CACNA1I: variants seen among roughly 807,000 people sequenced by gnomAD.
The protein encoded by CACNA1I is calcium voltage-gated channel subunit alpha1 I.
Under a neutral mutation model 201.6 loss-of-function variants are expected in CACNA1I, and 74 were observed. The observed-to-expected ratio is 0.37, with a 90% CI of 0.30 to 0.45. The LOEUF (loss-of-function observed/expected upper bound fraction) is 0.45, where lower values mean the gene tolerates loss of function less well. Ranked by LOEUF, CACNA1I falls within the 20% of genes least tolerant of loss-of-function variation. The pLI is 1.00. For missense variants in CACNA1I, 2,346 were observed against 3,138.1 expected (o/e 0.75, Z 6.03); for synonymous variants, 1,431 against 1,345.2 (o/e 1.06, Z -1.40).
chr22:39,619,431 C>T, intron 4 of CACNA1I, 24 bp downstream of exon 4: 1 of 1,568,942 alleles, frequency 6.4e-7, no homozygotes, highest in South Asian at 1.1e-5. Context: ...GCCCTGTCCA[C>T]ACATTCCTGG....
chr22:39,686,231 C>A lies in CACNA1I; in HGVS notation c.6498C>A (p.His2166Gln), dbSNP rs1294996404. The change falls in exon 37 of 37, where the codon CAC becomes CAA. Residue 2166 changes from histidine (H) to glutamine (Q), a missense_variant. Coordinates refer to ENST00000402142, the MANE Select transcript of CACNA1I (RefSeq NM_021096.4). ...TSSLAAPGRP[H>Q]AAALAHGLAR... ...GCCTGGCCGCCCCCGGCCGCCCCCA[C>A]GCCGCCGCCCTGGCCCACGGCCTGG... The A allele has an allele frequency of 8.1e-7, 1 of 1,240,584 alleles. No individual in the cohort carries two copies. The highest frequency in any genetic ancestry group is 1.0e-6 in the Non-Finnish European group (1 of 996,450). The allele number at this position is 1,240,584 out of a possible 1,614,324, so 76.8% of individuals were successfully genotyped here.
At chr22:39,585,566 TTAG>T (rs928899970) in intron 1 of CACNA1I, among the ~76,000 whole-genome samples, 1 of 150,032 alleles carries the variant, frequency 6.7e-6, no homozygotes, top group African/African-American at 2.5e-5. Flanking sequence ...AATTTTGTAT[TTAG>T]TAGAGATGGA....
chr22:39,667,341 G>A (rs1044176379), intron 23 of CACNA1I, among the ~76,000 whole-genome samples: 3 of 152,216 alleles, frequency 2.0e-5, no homozygotes, highest in African/African-American at 4.8e-5. Flanking sequence ...GGAAGGAGGG[G>A]CCAGTGCAGG....
At chr22:39,650,444 G>A (rs1413464005) in intron 10 of CACNA1I, among the ~76,000 whole-genome samples, 1 of 152,218 alleles carries the variant, frequency 6.6e-6, no homozygotes, top group Admixed American at 6.5e-5. Flanking sequence ...GTGCCACCAA[G>A]CCTGGCCACC....
intron 3 of CACNA1I, among the ~76,000 whole-genome samples, chr22:39,607,818 A>G (rs894070270): frequency 6.7e-6 from 1 of 150,276 alleles, no homozygotes; most frequent in Non-Finnish European, 1.5e-5. Context: ...ATGAAACCCC[A>G]TGTCTACTAA....
In CACNA1I at chr22:39,679,304, G is replaced by T; in HGVS notation, c.5253G>T (p.Glu1751Asp). 6.4e-7 allele frequency: 1 copy of T among 1,558,020 alleles called. No individual in the cohort carries two copies. The highest frequency in any genetic ancestry group is 8.7e-7 in the Non-Finnish European group (1 of 1,151,612). ...QEDAEMDAELELEMAHGLGPG... is the reference protein window; with the variant it reads ...QEDAEMDAELDLEMAHGLGPG... ...ACGCCGAGATGGATGCCGAGCTCGA[G>T]CTGGAGATGGCCCATGGCCTGGGCC... The change falls in exon 32 of 37, where the codon GAG becomes GAT. Residue 1751 changes from glutamate (E) to aspartate (D), a missense_variant. By Grantham distance (45) the Glu-to-Asp change is conservative. This residue lies in a region of CACNA1I where 441 missense variants were observed against 555.6 expected (regional missense o/e 0.79). Transcript: ENST00000402142.
At position 39,605,225 on chromosome 22, in the gene CACNA1I, G is replaced by A. The variant is rs187745616; in HGVS notation, c.482+4572G>A. 2.3e-3 allele frequency among the ~76,000 whole-genome samples: 356 copies of A among 152,188 alleles called. 1 individual carries two copies. Among genetic ancestry groups the A allele is most frequent in the Non-Finnish European group, 4.0e-3 (269 of 68,028 alleles). On this transcript the variant is annotated intron_variant, in intron 3 of 36. Coordinates refer to ENST00000402142, the MANE Select transcript of CACNA1I (RefSeq NM_021096.4). ...CTAGCTCTTTCTTCAAGCTGTGGAG[G>A]CAGACATAGCACCTCCGAGTTAGAA... is the stretch of plus-strand genomic sequence containing the variant.
At chr22:39,574,826 C>T (rs542834770) in intron 1 of CACNA1I, among the ~76,000 whole-genome samples, 91 of 152,294 alleles carry the variant, frequency 6.0e-4, no homozygotes, top group African/African-American at 2.1e-3. Flanking sequence ...TGGCCAGGCC[C>T]GGGAAGGGGA....
Position 39,677,497 on chromosome 22 carries a change from G to A in CACNA1I, c.4933+78G>A. On this transcript the variant is annotated intron_variant, in intron 30 of 36. Transcript: ENST00000402142. This position sits in a 1 kb window ranked among gnomAD's most constrained non-coding sequence, Gnocchi z 4.8. ...GGAACTGGGGGGGCGGGGGAGGCCT[G>A]AGACCCCTGAGCCCGTCACATCAGG... 1.0e-6 allele frequency: 1 copy of A among 976,100 alleles called. No homozygotes were observed. The highest frequency in any genetic ancestry group is 1.5e-6 in the Non-Finnish European group (1 of 670,174). The allele number at this position is 976,100 out of a possible 1,614,324, so 60.5% of individuals were successfully genotyped here. A position where few individuals can be genotyped will look rare whatever the true frequency, so the allele number is the denominator to read the frequency against.
Position 39,677,550 on chromosome 22 carries a change from C to T in CACNA1I, c.4933+131C>T, listed in dbSNP as rs1935551299. The T allele has an allele frequency of 3.0e-6, 2 of 656,040 alleles. No individual in the cohort carries two copies. The highest frequency in any genetic ancestry group is 3.1e-5 in the Admixed American group (1 of 32,464). The allele number at this position is 656,040 out of a possible 1,614,324, so 40.6% of individuals were successfully genotyped here. A position where few individuals can be genotyped will look rare whatever the true frequency, so the allele number is the denominator to read the frequency against. The stretch of plus-strand genomic sequence containing the variant: ...CTTTGTATTGGGGAGATGCCTACAG[C>T]AGGGCCCTCAGCTGTCTGGTCTCCC... On this transcript the variant is annotated intron_variant, in intron 30 of 36. Coordinates refer to ENST00000402142, the MANE Select transcript of CACNA1I (RefSeq NM_021096.4). The surrounding 1 kb of genome is among the most constrained non-coding windows in gnomAD (Gnocchi z 4.8).
chr22:39,611,887 C>G (rs185597875), intron 3 of CACNA1I, among the ~76,000 whole-genome samples: 10 of 152,296 alleles, frequency 6.6e-5, no homozygotes, highest in African/African-American at 2.2e-4. Flanking sequence ...CCAAATCCCC[C>G]CTGTACTCTG....
intron 7 of CACNA1I, 31 bp from the exon 8 acceptor site, chr22:39,646,538 T>C (rs1934492220): frequency 6.6e-7 from 1 of 1,512,834 alleles, no homozygotes; most frequent in Non-Finnish European, 8.9e-7. Flanking sequence ...TCCCTGTCCC[T>C]GTCCCTGTCC....
At chr22:39,578,713 T>C (rs1438400625) in intron 1 of CACNA1I, among the ~76,000 whole-genome samples, 3 of 152,180 alleles carry the variant, frequency 2.0e-5, no homozygotes, top group African/African-American at 7.2e-5. Context: ...GTGTGCTGAT[T>C]CTTTCCTCAC....
intron 1 of CACNA1I, among the ~76,000 whole-genome samples, chr22:39,573,661 C>G (rs1932255671): frequency 6.6e-6 from 1 of 152,166 alleles, no homozygotes; most frequent in African/African-American, 2.4e-5. Flanking sequence ...AGTGAGCCAG[C>G]CCCTGGGAAC....
intron 29 of CACNA1I, among the ~76,000 whole-genome samples, chr22:39,675,574 A>T (rs1935492973): frequency 6.6e-6 from 1 of 152,226 alleles, no homozygotes; most frequent in Non-Finnish European, 1.5e-5. Context: ...AATGGTGCTT[A>T]CCCCTCAAAA....
At chr22:39,576,340 G>GC (rs1332356998) in intron 1 of CACNA1I, among the ~76,000 whole-genome samples, 1 of 152,230 alleles carries the variant, frequency 6.6e-6, no homozygotes, top group Non-Finnish European at 1.5e-5. Flanking sequence ...GGCTCTCATA[G>GC]CCCCATTTTA....
At position 39,686,867 on chromosome 22, in the gene CACNA1I, A is replaced by G. The variant is rs1348562804; in HGVS notation, c.*462A>G. ...TTTTTTGATGTCTCCTCCCTGGTTA[A>G]GAGTAGCTTGGAGAGGACCCTCAGG... On this transcript the variant is annotated 3_prime_UTR_variant, in exon 37 of 37. Coordinates refer to ENST00000402142, the MANE Select transcript of CACNA1I (RefSeq NM_021096.4). 1 of 151,402 alleles carries G rather than the reference A, an allele frequency of 6.6e-6. No homozygotes were observed. Among genetic ancestry groups the G allele is most frequent in the Non-Finnish European group, 1.5e-5 (1 of 67,882 alleles). 9.4% of individuals were successfully genotyped at this position (151,402 alleles called of 1,614,324 possible).
At chr22:39,621,429 T>C (rs1446393637) in intron 4 of CACNA1I, among the ~76,000 whole-genome samples, 8 of 152,246 alleles carry the variant, frequency 5.3e-5, no homozygotes, top group Non-Finnish European at 8.8e-5. Context: ...CCATCCATCC[T>C]GAGCGCCCTG....
At position 39,682,077 on chromosome 22, in the gene CACNA1I, G is replaced by T. The variant is rs112587882; in HGVS notation, c.5665-419G>T. ...TTCTGGGAAGGGGTCACTCTGGGCT[G>T]CAGGGCTGAGGAATGTGGGGGCCAG... On this transcript the variant is annotated intron_variant, in intron 34 of 36. Transcript: ENST00000402142. Among the ~76,000 whole-genome samples the T allele has an allele frequency of 3.0e-3, 464 of 152,278 alleles. 4 individuals carry two copies. Among genetic ancestry groups the T allele is most frequent in the African/African-American group, 0.011 (448 of 41,548 alleles).
Sources: gnomAD v4.1 joint callset for allele counts (sites outside exome capture counted in the v4.1 genomes callset) on GRCh38, gnomAD v4.1.1 for gene constraint, gnomAD v4.1.1 regional missense constraint, Gnocchi (gnomAD v3.1) non-coding constraint, MANE v1.5 for transcripts, NCBI Gene and HGNC (gene_info 2026-07-23, HGNC 2026-07-21) for gene names.